Variants in KAT6B observed in about 807,000 individuals in gnomAD.
The protein encoded by KAT6B is histone acetyltransferase KAT6B.
KAT6B carries 10 observed loss-of-function variants against 187.5 expected under a neutral mutation model. That is an observed-to-expected ratio of 0.05 (90% CI 0.03 to 0.09). KAT6B has a LOEUF of 0.09. KAT6B is among the 10% of genes least tolerant of loss of function. KAT6B has a pLI of 1.00. For missense variants in KAT6B, 1,952 were observed against 2,558.9 expected (o/e 0.76, Z 5.12); for synonymous variants, 861 against 926.8 (o/e 0.93, Z 1.29).
rs1018804506 is a variant in KAT6B at position 75,030,011 on chromosome 10, C to T, written c.5187C>T (p.Ser1729=). The change falls in exon 18 of 18, where the codon AGC becomes AGT. Residue 1729 remains serine, a synonymous_variant. Coordinates refer to ENST00000287239, the MANE Select transcript of KAT6B (RefSeq NM_012330.4). The surrounding 1 kb of genome is among the most constrained non-coding windows in gnomAD (Gnocchi z 4.8). The part of the protein sequence containing the change: ...CAVTQQMSNI[S]GSCSMLQQTS... ...TCACCCAGCAGATGTCCAACATCAG[C>T]GGGAGCTGCAGCATGCTGCAGCAAA... The T allele has an allele frequency of 2.5e-5, 41 of 1,614,056 alleles. No individual in the cohort carries two copies. In the East Asian group the frequency reaches 4.0e-4, roughly 16 times the overall value.
Position 75,026,517 on chromosome 10 carries a change from A to G in KAT6B, c.3664+1268A>G, listed in dbSNP as rs750615746. Among the ~76,000 whole-genome samples the G allele has an allele frequency of 2.6e-5, 4 of 152,170 alleles. No homozygotes were observed. In the East Asian group the frequency reaches 5.8e-4, roughly 22 times the overall value. On this transcript the variant is annotated intron_variant, in intron 17 of 17. Coordinates refer to ENST00000287239, the MANE Select transcript of KAT6B (RefSeq NM_012330.4). ...AGCCACAGTTTTAAGAACATATGCA[A>G]GCATCTTCTTGATTTTCTTAGTTCA...
At chr10:74,936,796 G>T (rs1305280784) in intron 3 of KAT6B, among the ~76,000 whole-genome samples, 1 of 152,058 alleles carries the variant, frequency 6.6e-6, no homozygotes, top group Non-Finnish European at 1.5e-5. Context: ...TGGATTTCTC[G>T]ATTTTTATTT....
chr10:74,994,167 A>C (rs2133907538), intron 13 of KAT6B, among the ~76,000 whole-genome samples: 1 of 152,274 alleles, frequency 6.6e-6, no homozygotes, highest in Non-Finnish European at 1.5e-5. Context: ...GCATTCTAGA[A>C]GGAAGAATTA....
At chr10:74,898,068 CTA>C (rs1378389291) in intron 3 of KAT6B, among the ~76,000 whole-genome samples, 3 of 152,036 alleles carry the variant, frequency 2.0e-5, no homozygotes, top group East Asian at 3.9e-4. Flanking sequence ...AACAATAAAT[CTA>C]TATGTTTCTT....
chr10:74,963,955 C>T (rs1364857031), intron 4 of KAT6B, among the ~76,000 whole-genome samples: 2 of 151,780 alleles, frequency 1.3e-5, no homozygotes, highest in East Asian at 3.9e-4. Context: ...GAAACCCCAT[C>T]CCTACTAAAA....
At chr10:74,887,138 A>T (rs549350577) in intron 3 of KAT6B, among the ~76,000 whole-genome samples, 1 of 152,146 alleles carries the variant, frequency 6.6e-6, no homozygotes, top group Admixed American at 6.5e-5. Flanking sequence ...TAGTCATCAG[A>T]GTTACCCAAT....
At chr10:74,982,772 C>G (rs775696757) in intron 11 of KAT6B, 5 of 152,290 alleles carry the variant, frequency 3.3e-5, no homozygotes, top group Non-Finnish European at 7.3e-5. Flanking sequence ...GGTGCTCATT[C>G]CTAGGTGCTT....
At chr10:74,947,024 G>A (rs1260489302) in intron 3 of KAT6B, among the ~76,000 whole-genome samples, 2 of 151,762 alleles carry the variant, frequency 1.3e-5, no homozygotes, top group African/African-American at 4.8e-5. Context: ...TTTTTGAGAC[G>A]AGTCTTACTG....
At chr10:74,865,822 A>G (rs1220431578) in intron 3 of KAT6B, among the ~76,000 whole-genome samples, 2 of 152,132 alleles carry the variant, frequency 1.3e-5, no homozygotes, top group African/African-American at 2.4e-5. Context: ...CAGCCCCTGT[A>G]TTATTTTCTT....
At position 75,030,050 on chromosome 10, in the gene KAT6B, C is replaced by T; in HGVS notation, c.5226C>T (p.Ser1742=). 1 of 1,614,228 alleles carries T rather than the reference C, an allele frequency of 6.2e-7. No individual in the cohort carries two copies. The highest frequency in any genetic ancestry group is 8.5e-7 in the Non-Finnish European group (1 of 1,180,046). ...TGCTGCAGCAAACCAGCATCAGCTC[C>T]CCTCCGACCTGCAGCGTCAAGTCTC... The part of the protein sequence containing the change: ...CSMLQQTSIS[S]PPTCSVKSPQ... Residue 1742 remains serine (S), a synonymous_variant, in exon 18 of 18, where the codon TCC becomes TCT. Coordinates refer to ENST00000287239, the MANE Select transcript of KAT6B (RefSeq NM_012330.4). This position sits in a 1 kb window ranked among gnomAD's most constrained non-coding sequence, Gnocchi z 4.8.
intron 7 of KAT6B, among the ~76,000 whole-genome samples, chr10:74,974,240 C>A (rs758415616): frequency 6.6e-6 from 1 of 152,152 alleles, no homozygotes; most frequent in South Asian, 2.1e-4. Context: ...CTCAGATGAG[C>A]CTGGTAGCTG....
In KAT6B at chr10:74,929,443, T is replaced by C. The variant is rs550598046; in HGVS notation, c.622-30527T>C. Among the ~76,000 whole-genome samples, 6 of 152,316 alleles carry C rather than the reference T, an allele frequency of 3.9e-5. No homozygotes were observed. The South Asian group carries it at 8.3e-4, about 21-fold the overall frequency. ...ATAAAGTATTTAAAAAATAAACGAA[T>C]GGCAGTATTAGTCATACATTGACCG... On this transcript the variant is annotated intron_variant, in intron 3 of 17. Coordinates refer to ENST00000287239, the MANE Select transcript of KAT6B (RefSeq NM_012330.4).
rs565770722 is a variant in KAT6B at position 75,005,146 on chromosome 10, G to C, written c.2630-15436G>C. Among the ~76,000 whole-genome samples, 17 of 152,090 alleles carry C rather than the reference G, an allele frequency of 1.1e-4. 1 individual carries two copies. Among genetic ancestry groups the C allele is most frequent in the African/African-American group, 4.1e-4 (17 of 41,498 alleles). ...AGCTTGTAATAGAGACATTATGTTT[G>C]AGATAGAATATTCTAAGATAAAAGT... On this transcript the variant is annotated intron_variant, in intron 13 of 17. Coordinates refer to ENST00000287239, the MANE Select transcript of KAT6B (RefSeq NM_012330.4).
intron 13 of KAT6B, among the ~76,000 whole-genome samples, chr10:75,003,492 C>T (rs1273046268): frequency 2.0e-5 from 3 of 152,156 alleles, no homozygotes; most frequent in Non-Finnish European, 4.4e-5. Context: ...CCCACCTTTG[C>T]CCCCATGACA....
Position 74,992,153 on chromosome 10 carries a change from C to T in KAT6B, c.2629+3041C>T, listed in dbSNP as rs1482967732. Among the ~76,000 whole-genome samples, 6 of 152,070 alleles carry T rather than the reference C, an allele frequency of 3.9e-5. No individual in the cohort carries two copies. The East Asian group carries it at 9.6e-4, about 24-fold the overall frequency. On this transcript the variant is annotated intron_variant, in intron 13 of 17. Transcript: ENST00000287239. ...GGCCTTTTGGTCAGGGATGTATTTT[C>T]AGTAAGTCAAATGAGGTTGTAAATC...
chr10:74,938,249 C>G (rs1002935754), intron 3 of KAT6B, among the ~76,000 whole-genome samples: 12 of 152,168 alleles, frequency 7.9e-5, no homozygotes, highest in Admixed American at 3.9e-4. Flanking sequence ...ATCCTAGAAC[C>G]ACTGTATCAG....
rs113338879 is a variant in KAT6B at position 74,972,380 on chromosome 10, G to T, written c.929-127G>T. On this transcript the variant is annotated intron_variant, in intron 6 of 17. Transcript: ENST00000287239. Reference sequence around the variant, plus strand: ...TAAGGAAAATGACAAAGGGAATGACGCATTTTTTGGAGTAAAGTTCAGCAT... The same window carrying T: ...TAAGGAAAATGACAAAGGGAATGACTCATTTTTTGGAGTAAAGTTCAGCAT... 6.9e-5 allele frequency: 47 copies of T among 680,260 alleles called. No individual in the cohort carries two copies. The Middle Eastern group carries it at 1.2e-3, about 18-fold the overall frequency. The allele number at this position is 680,260 out of a possible 1,614,324, so 42.1% of individuals were successfully genotyped here. A position where few individuals can be genotyped will look rare whatever the true frequency, so the allele number is the denominator to read the frequency against.
At chr10:74,949,799 G>A (rs1323924510) in intron 3 of KAT6B, among the ~76,000 whole-genome samples, 2 of 152,066 alleles carry the variant, frequency 1.3e-5, no homozygotes, top group Non-Finnish European at 2.9e-5. Context: ...TTCTTTAAAT[G>A]AAAAAAGAAG....
intron 3 of KAT6B, among the ~76,000 whole-genome samples, chr10:74,955,409 G>A (rs943815558): frequency 6.7e-5 from 9 of 134,628 alleles, no homozygotes; most frequent in Non-Finnish European, 1.4e-4. Flanking sequence ...TTTTTGTTTG[G>A]AAAAGTTGTA....
Sources: gnomAD v4.1 joint callset for allele counts (sites outside exome capture counted in the v4.1 genomes callset) on GRCh38, gnomAD v4.1.1 for gene constraint, Gnocchi (gnomAD v3.1) non-coding constraint, MANE v1.5 for transcripts, NCBI Gene and HGNC (gene_info 2026-07-23, HGNC 2026-07-21) for gene names.